Variants in MAF observed in about 807,000 individuals in gnomAD.
The protein encoded by MAF is MAF bZIP transcription factor.
Under a neutral mutation model 22.0 loss-of-function variants are expected in MAF, and 10 were observed. That is an observed-to-expected ratio of 0.45 (90% confidence interval 0.28 to 0.77). The LOEUF (loss-of-function observed/expected upper bound fraction) is 0.77, where lower values mean the gene tolerates loss of function less well. Among genes scored for constraint, MAF ranks in the 30% least tolerant of loss-of-function variants. The pLI, the probability that MAF is intolerant of heterozygous loss-of-function variation, is 0.12. For missense variants in MAF, 544 were observed against 548.4 expected (o/e 0.99, Z 0.08); for synonymous variants, 337 against 255.8 (o/e 1.32, Z -3.03).
At chr16:79,363,098 G>C in the MAF span, among the ~76,000 whole-genome samples, 2 of 151,946 alleles carry the variant, frequency 1.3e-5, no homozygotes, top group African/African-American at 4.8e-5. Flanking sequence ...CAGGGAAGAA[G>C]AGGGGCAAAT....
chr16:79,365,992 T>C, the MAF span, among the ~76,000 whole-genome samples: 49 of 152,376 alleles, frequency 3.2e-4, no homozygotes, highest in Middle Eastern at 0.01. Flanking sequence ...CTAAATGACA[T>C]ACATTTTTGC....
the MAF span, among the ~76,000 whole-genome samples, chr16:79,446,316 T>C: frequency 6.6e-6 from 1 of 152,130 alleles, no homozygotes. Context: ...GAACAGTCGC[T>C]TGTCCTCTGT....
chr16:79,598,254 A>C (rs1256155533), intron 1 of MAF: 4 of 1,059,846 alleles, frequency 3.8e-6, no homozygotes, highest in Non-Finnish European at 4.6e-6. Flanking sequence ...GCAAGCTCTA[A>C]AAGTAAAATT....
chr16:79,445,234 G>A, the MAF span, among the ~76,000 whole-genome samples: 22 of 151,436 alleles, frequency 1.5e-4, no homozygotes, highest in Non-Finnish European at 2.9e-5. Context: ...TAGTAGAGAT[G>A]GGGTTTCACC....
the MAF span, among the ~76,000 whole-genome samples, chr16:79,458,898 T>A: frequency 1.2e-4 from 19 of 152,234 alleles, no homozygotes; most frequent in Admixed American, 3.3e-4. Context: ...TCTGCAGAGA[T>A]GCTAAACAAG....
the MAF span, among the ~76,000 whole-genome samples, chr16:79,260,913 C>G: frequency 6.6e-6 from 1 of 152,034 alleles, no homozygotes; most frequent in Admixed American, 6.5e-5. Flanking sequence ...ATAGCACACC[C>G]AAGACAGATA....
the MAF span, among the ~76,000 whole-genome samples, chr16:79,541,594 C>T: frequency 3.3e-5 from 5 of 151,638 alleles, no homozygotes; most frequent in East Asian, 1.9e-4. Context: ...TGGTGAAAGA[C>T]GAGACCCTAA....
chr16:79,394,496 G>A, the MAF span, among the ~76,000 whole-genome samples: 3 of 152,090 alleles, frequency 2.0e-5, no homozygotes, highest in East Asian at 1.9e-4. Flanking sequence ...ACTTGTTTAC[G>A]AATTGTTTTC....
the MAF span, among the ~76,000 whole-genome samples, chr16:79,545,323 G>C: frequency 1.3e-5 from 2 of 152,140 alleles, no homozygotes; most frequent in Admixed American, 6.5e-5. Flanking sequence ...GGGGAATGCA[G>C]AACTGGACAT....
At chr16:79,436,373 G>A in the MAF span, among the ~76,000 whole-genome samples, 2 of 152,160 alleles carry the variant, frequency 1.3e-5, no homozygotes, top group Non-Finnish European at 2.9e-5. Flanking sequence ...GTGAGCCACC[G>A]CGTCTGGCTG....
chr16:79,215,496 G>A, the MAF span, among the ~76,000 whole-genome samples: 3 of 152,212 alleles, frequency 2.0e-5, no homozygotes, highest in South Asian at 2.1e-4. Flanking sequence ...CAGCCAAGGT[G>A]CTGTGCAAAA....
the MAF span, among the ~76,000 whole-genome samples, chr16:79,278,622 C>A: frequency 6.6e-6 from 1 of 152,020 alleles, no homozygotes; most frequent in African/African-American, 2.4e-5. Flanking sequence ...TCTGAAAGCG[C>A]AAGAGCTGTT....
chr16:79,578,260 T>A, the MAF span, among the ~76,000 whole-genome samples: 1 of 152,162 alleles, frequency 6.6e-6, no homozygotes, highest in African/African-American at 2.4e-5. Context: ...TGATTTTTAT[T>A]TTATTTTATT....
chr16:79,334,906 G>T, the MAF span, among the ~76,000 whole-genome samples: 2 of 151,538 alleles, frequency 1.3e-5, no homozygotes, highest in Non-Finnish European at 2.9e-5. Context: ...ATACATAGAG[G>T]CTGGGTGCAG....
the MAF span, among the ~76,000 whole-genome samples, chr16:79,537,777 T>A: frequency 1.3e-5 from 2 of 152,188 alleles, no homozygotes; most frequent in African/African-American, 4.8e-5. Flanking sequence ...TTATCTTTTT[T>A]ACTCACCAGA....
the MAF span, among the ~76,000 whole-genome samples, chr16:79,428,421 C>CT: frequency 6.6e-6 from 1 of 152,198 alleles, no homozygotes; most frequent in Non-Finnish European, 1.5e-5. Context: ...CAATGTTGCA[C>CT]GGGACGTGGT....
At chr16:79,421,942 T>A in the MAF span, among the ~76,000 whole-genome samples, 1 of 152,188 alleles carries the variant, frequency 6.6e-6, no homozygotes, top group Non-Finnish European at 1.5e-5. Flanking sequence ...CACACTCAGC[T>A]AATTTTTGTG....
the MAF span, among the ~76,000 whole-genome samples, chr16:79,568,307 G>A: frequency 6.6e-6 from 1 of 152,186 alleles, no homozygotes; most frequent in African/African-American, 2.4e-5. Flanking sequence ...GGTTCCTGTT[G>A]TAACTCACAA....
At chr16:79,207,297 A>T in the MAF span, among the ~76,000 whole-genome samples, 1 of 152,252 alleles carries the variant, frequency 6.6e-6, no homozygotes, top group African/African-American at 2.4e-5. Flanking sequence ...CCAGATGAGT[A>T]ACAATGGAAG....
Sources: gnomAD v4.1 joint callset for allele counts (sites outside exome capture counted in the v4.1 genomes callset) on GRCh38, gnomAD v4.1.1 for gene constraint, MANE v1.5 for transcripts, NCBI Gene and HGNC (gene_info 2026-07-23, HGNC 2026-07-21) for gene names.